The following FYCO1 variants were observed in gnomAD, a reference collection of about 807,000 sequenced individuals.
The protein encoded by FYCO1 is FYVE and coiled-coil domain autophagy adaptor 1.
A neutral mutation model predicts 165.1 loss-of-function variants in FYCO1; 122 were observed. The ratio of observed to expected loss-of-function variants is 0.74; its 90% confidence interval spans 0.64 to 0.86. FYCO1 has a LOEUF of 0.86. Ranked by LOEUF, FYCO1 falls within the 40% of genes least tolerant of loss-of-function variation. The pLI is 0.00. For synonymous variants in FYCO1, 648 were observed against 742.5 expected (o/e 0.87, Z 2.07); for missense variants, 1,702 against 1,810.3 (o/e 0.94, Z 1.09).
At position 45,973,186 on chromosome 3, in the gene FYCO1, G is replaced by A. The variant is rs774906050; in HGVS notation, c.441C>T (p.Ser147=). Residue 147 remains serine, a synonymous_variant, in exon 6 of 18, where the codon AGC becomes AGT. Coordinates refer to ENST00000296137, the MANE Select transcript of FYCO1 (RefSeq NM_024513.4). ...CATAGAGTTGGCCCACAATGTCCGA[G>A]CTCAGCTTTGGCTGCAGAAAGGGGC... The part of the protein sequence containing the change: ...ARSPFLQPKL[S]SDIVGQLYEL... 3 of 1,614,192 alleles carry A rather than the reference G, an allele frequency of 1.9e-6. No individual in the cohort carries two copies. Among genetic ancestry groups the A allele is most frequent in the Non-Finnish European group, 2.5e-6 (3 of 1,180,018 alleles).
chr3:45,926,160 C>A (rs1266145558), intron 16 of FYCO1, among the ~76,000 whole-genome samples: 1 of 152,100 alleles, frequency 6.6e-6, no homozygotes, highest in East Asian at 1.9e-4. Flanking sequence ...CAAACCTAAC[C>A]TTAACAGCAA....
At chr3:45,947,060 C>T (rs1353715865) in intron 14 of FYCO1, 1 of 1,614,206 alleles carries the variant, frequency 6.2e-7, no homozygotes, top group Non-Finnish European at 8.5e-7. Context: ...TGGTTCTTGC[C>T]ACCCAGATGA....
intron 14 of FYCO1, among the ~76,000 whole-genome samples, chr3:45,954,762 TGA>T (rs1705218336): frequency 6.6e-6 from 1 of 152,000 alleles, no homozygotes; most frequent in Non-Finnish European, 1.5e-5. Flanking sequence ...AAGAGGAGAC[TGA>T]GAGACATGGA....
At chr3:45,936,424 G>A in intron 15 of FYCO1, 24 bp downstream of exon 15, 1 of 1,548,758 alleles carries the variant, frequency 6.5e-7, no homozygotes, top group Non-Finnish European at 8.9e-7. Flanking sequence ...CCTGGGGAGG[G>A]CCCAGGCAGC....
At chr3:45,975,633 T>C (rs1048188901) in intron 4 of FYCO1, among the ~76,000 whole-genome samples, 5 of 152,210 alleles carry the variant, frequency 3.3e-5, no homozygotes, top group African/African-American at 1.2e-4. Flanking sequence ...CATCTGTGGA[T>C]TCTATTGGAA....
Position 45,964,200 on chromosome 3 carries a change from G to A in FYCO1, c.3269+136C>T. ...TCTCTGTGGCATGCTTCCAGCAGAAGCACTTTCTGAGTTTGTGGCTTTTCT... is the reference window on the plus strand; with the variant it reads ...TCTCTGTGGCATGCTTCCAGCAGAAACACTTTCTGAGTTTGTGGCTTTTCT... On this transcript the variant is annotated intron_variant, in intron 10 of 17. Coordinates refer to ENST00000296137, the MANE Select transcript of FYCO1 (RefSeq NM_024513.4). This position sits in a 1 kb window ranked among gnomAD's most constrained non-coding sequence, Gnocchi z 4.1. The A allele has an allele frequency of 1.3e-6, 1 of 774,830 alleles. No individual in the cohort carries two copies. The highest frequency in any genetic ancestry group is 1.4e-5 in the South Asian group (1 of 71,694). The allele number at this position is 774,830 out of a possible 1,614,324, so 48.0% of individuals were successfully genotyped here. A position where few individuals can be genotyped will look rare whatever the true frequency, so the allele number is the denominator to read the frequency against.
intron 1 of FYCO1, among the ~76,000 whole-genome samples, chr3:45,991,423 C>T (rs1466499760): frequency 6.6e-6 from 1 of 152,184 alleles, no homozygotes; most frequent in Admixed American, 6.5e-5. Context: ...GGCTGCCTGA[C>T]CTCGATAGGG....
intron 3 of FYCO1, 32 bp from the exon 4 acceptor site, chr3:45,979,862 C>T: frequency 2.5e-6 from 4 of 1,612,700 alleles, no homozygotes; most frequent in Non-Finnish European, 3.4e-6. Flanking sequence ...GAGAGGAGGT[C>T]CAAACCCACT....
At chr3:45,958,362 A>G (rs1010881186) in intron 13 of FYCO1, 46 bp downstream of exon 13, 16 of 1,534,582 alleles carry the variant, frequency 1.0e-5, no homozygotes, top group Non-Finnish European at 1.3e-5. Flanking sequence ...TAGGGGAGGA[A>G]GTGGCACCTA....
chr3:45,950,135 C>A (rs368885888), intron 14 of FYCO1, among the ~76,000 whole-genome samples: 1 of 152,102 alleles, frequency 6.6e-6, no homozygotes, highest in East Asian at 1.9e-4. Context: ...TTCCATTTGG[C>A]TCTCCCTTCT....
intron 6 of FYCO1, 25 bp from the exon 7 acceptor site, chr3:45,969,790 C>T: frequency 6.2e-7 from 1 of 1,600,388 alleles, no homozygotes; most frequent in Non-Finnish European, 8.6e-7. Flanking sequence ...AACAGACATA[C>T]CTGTATTCAG....
At position 45,968,344 on chromosome 3, in the gene FYCO1, C is replaced by T. The variant is rs977883967; in HGVS notation, c.990G>A (p.Glu330=). The T allele has an allele frequency of 3.1e-6, 5 of 1,613,714 alleles. No individual in the cohort carries two copies. The Admixed American group carries it at 6.7e-5, about 22-fold the overall frequency. Residue 330 remains glutamate (E), a synonymous_variant, in exon 8 of 18, where the codon GAG becomes GAA. Coordinates refer to ENST00000296137, the MANE Select transcript of FYCO1 (RefSeq NM_024513.4). ...GCCGCAGGGCTGTGTGGTAGTCCTC[C>T]TCCTTCTCTGCTGCTCCTAGCTCCA... ...QGLELGAAEK[E]EDYHTALRRL...
intron 14 of FYCO1, among the ~76,000 whole-genome samples, chr3:45,939,241 C>T (rs539987483): frequency 8.5e-5 from 13 of 152,362 alleles, no homozygotes; most frequent in South Asian, 4.1e-4. Flanking sequence ...CTGCTGTGCA[C>T]ACAGCCCATG....
At chr3:45,949,271 T>C (rs1704842261) in intron 14 of FYCO1, among the ~76,000 whole-genome samples, 1 of 152,146 alleles carries the variant, frequency 6.6e-6, no homozygotes, top group Non-Finnish European at 1.5e-5. Flanking sequence ...CCTTTTAGGG[T>C]GACAAGGCTG....
rs1704612282 is a variant in FYCO1, at chr3:45,946,453, A to AT, written c.3944+8795_3944+8796insA. The AT allele has an allele frequency of 2.5e-6, 4 of 1,584,518 alleles. No individual in the cohort carries two copies. The African/African-American group carries it at 5.4e-5, about 21-fold the overall frequency. ...CCCCAAATATAATTCCTGGGTTCTGACTCACAGGTGTTCATCAGAACAGAC... is the reference window on the plus strand; with the variant it reads ...CCCCAAATATAATTCCTGGGTTCTGATCTCACAGGTGTTCATCAGAACAGAC... On this transcript the variant is annotated intron_variant, in intron 14 of 17. Coordinates refer to ENST00000296137, the MANE Select transcript of FYCO1 (RefSeq NM_024513.4).
intron 14 of FYCO1, among the ~76,000 whole-genome samples, chr3:45,949,119 G>A (rs1175227726): frequency 6.6e-6 from 1 of 152,194 alleles, no homozygotes; most frequent in African/African-American, 2.4e-5. Flanking sequence ...ACCTGGTGCA[G>A]CTGAGCACAG....
chr3:45,982,392 T>C (rs1237080368), intron 2 of FYCO1, among the ~76,000 whole-genome samples: 1 of 152,004 alleles, frequency 6.6e-6, no homozygotes, highest in African/African-American at 2.4e-5. Flanking sequence ...TACAGAGAAA[T>C]CAGAGCACTT....
In FYCO1 at chr3:45,959,306, C is replaced by T; in HGVS notation, c.3587+87G>A. ...AAATAGTCAGCCATGGTGCCAACACCTATCACAGAGTCCTCTTTTGGAGCT... is the reference window on the plus strand; with the variant it reads ...AAATAGTCAGCCATGGTGCCAACACTTATCACAGAGTCCTCTTTTGGAGCT... On this transcript the variant is annotated intron_variant, in intron 12 of 17. Coordinates refer to ENST00000296137, the MANE Select transcript of FYCO1 (RefSeq NM_024513.4). 7 of 1,429,606 alleles carry T rather than the reference C, an allele frequency of 4.9e-6. No homozygotes were observed. In the South Asian group the frequency reaches 6.9e-5, roughly 14 times the overall value. The allele number at this position is 1,429,606 out of a possible 1,614,324, so 88.6% of individuals were successfully genotyped here. A position where few individuals can be genotyped will look rare whatever the true frequency, so the allele number is the denominator to read the frequency against.
intron 15 of FYCO1, among the ~76,000 whole-genome samples, chr3:45,935,686 C>A (rs757484445): frequency 5.3e-5 from 8 of 152,216 alleles, no homozygotes; most frequent in Non-Finnish European, 1.2e-4. Flanking sequence ...CCATAGCAAG[C>A]ACTACCTTGT....
Sources: allele counts gnomAD v4.1 joint callset (sites outside exome capture counted in the v4.1 genomes callset), GRCh38; gene constraint gnomAD v4.1.1; non-coding constraint Gnocchi (gnomAD v3.1); transcripts MANE v1.5; gene names NCBI Gene and HGNC (gene_info 2026-07-23, HGNC 2026-07-21).